Variants in PCNP observed in about 807,000 individuals in gnomAD.
PCNP encodes PEST proteolytic signal containing nuclear protein.
In PCNP, 6 loss-of-function variants were observed where a neutral mutation model predicts 21.8. The observed-to-expected ratio is 0.28, with a 90% CI of 0.15 to 0.54. The LOEUF is 0.54. Ranked by LOEUF, PCNP falls within the 20% of genes least tolerant of loss-of-function variation. PCNP has a pLI of 0.95. For missense variants in PCNP, 161 were observed against 215.5 expected, an observed-to-expected ratio of 0.75 and a Z score of 1.58; for synonymous variants, 67 against 73.2, an observed-to-expected ratio of 0.92 and a Z score of 0.43.
At chr3:101,587,581 G>A (rs1207001928) in intron 3 of PCNP, among the ~76,000 whole-genome samples, 1 of 151,372 alleles carries the variant, frequency 6.6e-6, no homozygotes, top group East Asian at 1.9e-4. Flanking sequence ...GATAAAAATC[G>A]AAAGTATCTG....
chr3:101,576,887 C>A (rs762963671), intron 1 of PCNP: 17 of 1,606,640 alleles, frequency 1.1e-5, no homozygotes, highest in Non-Finnish European at 1.4e-5. Flanking sequence ...CGCTGCCCAT[C>A]GATGTTGGTG....
Position 101,574,297 on chromosome 3 carries a change from G to A in PCNP, c.64+18G>A, listed in dbSNP as rs768171840. 9.8e-6 allele frequency: 15 copies of A among 1,534,406 alleles called. No individual in the cohort carries two copies. The highest frequency in any genetic ancestry group is 2.5e-5 in the East Asian group (1 of 39,534). On this transcript the variant is annotated intron_variant, in intron 1 of 4. Transcript: ENST00000265260. ...CGCCGGAGGTGAACACAACCCCAGC[G>A]TCGTGGGCAGCGTGGGATGCTCCGG... is the stretch of plus-strand genomic sequence containing the variant.
chr3:101,591,420 C>G (rs1208075183), intron 4 of PCNP, among the ~76,000 whole-genome samples: 1 of 152,178 alleles, frequency 6.6e-6, no homozygotes, highest in Non-Finnish European at 1.5e-5. Flanking sequence ...AGTGCTAAAT[C>G]TATACACAAG....
intron 1 of PCNP, chr3:101,576,969 G>T (rs574026068): frequency 1.0e-4 from 117 of 1,126,924 alleles, no homozygotes; most frequent in Non-Finnish European, 1.5e-4. Context: ...AAGCGGCGGC[G>T]TGTAGGCCTC....
intron 4 of PCNP, among the ~76,000 whole-genome samples, chr3:101,592,389 G>A (rs34744830): frequency 0.39 from 58,824 of 151,742 alleles, 12,472 homozygotes; most frequent in Non-Finnish European, 0.48. Flanking sequence ...GGCCAGGCTG[G>A]TCTCAAATTG....
At chr3:101,576,277 C>G (rs1387416401) in intron 1 of PCNP, among the ~76,000 whole-genome samples, 1 of 149,398 alleles carries the variant, frequency 6.7e-6, no homozygotes, top group African/African-American at 2.5e-5. Flanking sequence ...GCTCTGTCGC[C>G]AGGCTGGAAT....
intron 4 of PCNP, among the ~76,000 whole-genome samples, chr3:101,592,066 A>G (rs1935838597): frequency 6.6e-6 from 1 of 152,210 alleles, no homozygotes; most frequent in South Asian, 2.1e-4. Context: ...TGTTAAAACT[A>G]CAGATTTATC....
intron 2 of PCNP, among the ~76,000 whole-genome samples, chr3:101,582,657 A>G (rs924709126): frequency 1.3e-5 from 2 of 152,258 alleles, no homozygotes; most frequent in Non-Finnish European, 1.5e-5. Context: ...CTAACTGAAC[A>G]TGTTTTATTC....
Position 101,581,400 on chromosome 3 carries a change from C to T in PCNP, c.279+1396C>T, listed in dbSNP as rs147798007. 1.3e-4 allele frequency among the ~76,000 whole-genome samples: 19 copies of T among 151,664 alleles called. No individual in the cohort carries two copies. In the East Asian group the frequency reaches 3.7e-3, roughly 29 times the overall value. On this transcript the variant is annotated intron_variant, in intron 2 of 4. Transcript: ENST00000265260. ...CATAGTTCCTAAATCTAAATCCCTA[C>T]TCTTTTTTTTAATTTATTTATTTAT... is the stretch of plus-strand genomic sequence containing the variant.
intron 1 of PCNP, among the ~76,000 whole-genome samples, chr3:101,577,698 A>G (rs1935000289): frequency 6.6e-6 from 1 of 151,958 alleles, no homozygotes; most frequent in South Asian, 2.1e-4. Flanking sequence ...CTTAATTTGT[A>G]CTTTTAGTAG....
At chr3:101,590,110 T>A (rs1935729286) in intron 3 of PCNP, 105 bp from the exon 4 acceptor site, 3 of 681,018 alleles carry the variant, frequency 4.4e-6, no homozygotes, top group African/African-American at 1.8e-5. Context: ...AAATTTACAG[T>A]AGTGAAAATG....
intron 3 of PCNP, among the ~76,000 whole-genome samples, chr3:101,589,028 G>A (rs1167310412): frequency 6.6e-6 from 1 of 152,158 alleles, no homozygotes; most frequent in Non-Finnish European, 1.5e-5. Flanking sequence ...TTTCTCACTA[G>A]CATTAACATC....
rs200429603 is a variant in PCNP at position 101,591,871 on chromosome 3, A to G, written c.411-756A>G. Reference sequence around the variant, plus strand: ...ACTGCAGCCTTGACCTCCTGGGCTCAGGCAATCCTCCCACCTCAGCCTCCT... The same window carrying G: ...ACTGCAGCCTTGACCTCCTGGGCTCGGGCAATCCTCCCACCTCAGCCTCCT... On this transcript the variant is annotated intron_variant, in intron 4 of 4. Transcript: ENST00000265260. 2.0e-5 allele frequency among the ~76,000 whole-genome samples: 3 copies of G among 147,148 alleles called. No homozygotes were observed. The East Asian group carries it at 6.2e-4, about 30-fold the overall frequency.
chr3:101,582,662 T>C (rs1576612461), intron 2 of PCNP, among the ~76,000 whole-genome samples: 1 of 152,256 alleles, frequency 6.6e-6, no homozygotes. Context: ...TGAACATGTT[T>C]TATTCCTTCA....
rs1424742352 is a variant in PCNP at position 101,593,112 on chromosome 3, ACT to A, written c.*364_*365del. ...GTCTATTTAAAACTGCAAGCAGTTA[ACT>A]CTCTTAACTCCCTTATTACCTAAAC... On this transcript the variant is annotated 3_prime_UTR_variant, in exon 5 of 5. Transcript: ENST00000265260. The A allele has an allele frequency of 6.3e-6, 1 of 157,828 alleles. No homozygotes were observed. Among genetic ancestry groups the A allele is most frequent in the African/African-American group, 2.4e-5 (1 of 41,562 alleles). The allele number at this position is 157,828 out of a possible 1,614,324, so 9.8% of individuals were successfully genotyped here. A position where few individuals can be genotyped will look rare whatever the true frequency, so the allele number is the denominator to read the frequency against.
At chr3:101,589,267 T>C (rs1432224022) in intron 3 of PCNP, among the ~76,000 whole-genome samples, 1 of 152,180 alleles carries the variant, frequency 6.6e-6, no homozygotes, top group African/African-American at 2.4e-5. Flanking sequence ...CCAGTAGAAG[T>C]CCCTTTAAGC....
intron 4 of PCNP, among the ~76,000 whole-genome samples, 170 bp downstream of exon 4, chr3:101,590,440 G>C (rs1306069988): frequency 6.6e-6 from 1 of 152,188 alleles, no homozygotes; most frequent in East Asian, 1.9e-4. Context: ...AGATGAATAA[G>C]ACATGGTTCA....
At chr3:101,579,349 T>C (rs1242076911) in intron 1 of PCNP, among the ~76,000 whole-genome samples, 1 of 152,230 alleles carries the variant, frequency 6.6e-6, no homozygotes, top group Non-Finnish European at 1.5e-5. Context: ...CTAGGTACTT[T>C]GTATGATTAT....
rs78445135 is a variant in PCNP, at chr3:101,593,640, A to G, written c.*887A>G. The G allele has an allele frequency of 3.3e-5, 5 of 152,754 alleles. No homozygotes were observed. The East Asian group carries it at 9.6e-4, about 29-fold the overall frequency. The allele number at this position is 152,754 out of a possible 1,614,324, so 9.5% of individuals were successfully genotyped here. ...AAAAGGTATAAACACCAAAAAAAAAATTAACATTGTATGAAGATGGAAAAT... is the reference window on the plus strand; with the variant it reads ...AAAAGGTATAAACACCAAAAAAAAAGTTAACATTGTATGAAGATGGAAAAT... On this transcript the variant is annotated 3_prime_UTR_variant, in exon 5 of 5. Transcript: ENST00000265260.
Sources: allele counts gnomAD v4.1 joint callset (sites outside exome capture counted in the v4.1 genomes callset), GRCh38; gene constraint gnomAD v4.1.1; transcripts MANE v1.5; gene names NCBI Gene and HGNC (gene_info 2026-07-23, HGNC 2026-07-21).